The following ORC3 variants were observed in gnomAD, a reference collection of about 807,000 sequenced individuals.
The protein encoded by ORC3 is origin recognition complex subunit 3, also known as homolog of latheo, Drosophila.
In ORC3, 78 loss-of-function variants were observed where a neutral mutation model predicts 100.7. The ratio of observed to expected loss-of-function variants is 0.77; its 90% confidence interval spans 0.65 to 0.94. The LOEUF (loss-of-function observed/expected upper bound fraction) is 0.94, where lower values mean the gene tolerates loss of function less well. Ranked by LOEUF, ORC3 falls within the 40% of genes least tolerant of loss-of-function variation. The probability of loss-of-function intolerance (pLI) is 0.00; values close to 1 mark genes in which losing one functional copy is unlikely to be tolerated. For synonymous variants in ORC3, 295 were observed against 289.3 expected (o/e 1.02, Z -0.20); for missense variants, 789 against 823.9 (o/e 0.96, Z 0.52).
intron 9 of ORC3, among the ~76,000 whole-genome samples, chr6:87,617,776 T>A (rs1303360420): frequency 6.6e-6 from 1 of 152,112 alleles, no homozygotes; most frequent in East Asian, 1.9e-4. Context: ...AACCTATATA[T>A]GTATTAGTAA....
chr6:87,666,422 A>G (rs977435262), intron 19 of ORC3, among the ~76,000 whole-genome samples: 10 of 124,654 alleles, frequency 8.0e-5, no homozygotes, highest in Non-Finnish European at 1.1e-4. Context: ...GAGCCACCTC[A>G]CCCGGCCTAA....
chr6:87,607,592 ACT>A lies in ORC3; in HGVS notation c.428-79_428-78del, dbSNP rs1778435546. On this transcript the variant is annotated intron_variant, in intron 5 of 19. Coordinates refer to ENST00000392844, the MANE Select transcript of ORC3 (RefSeq NM_012381.4). ...ATTCTACCAAAAAAAAAAGTAATAC[ACT>A]CAGCAAGAAGTTTCAAGAGCTTTGG... 3.5e-6 allele frequency: 4 copies of A among 1,140,032 alleles called. No individual in the cohort carries two copies. The African/African-American group carries it at 6.2e-5, about 18-fold the overall frequency. The allele number at this position is 1,140,032 out of a possible 1,614,324, so 70.6% of individuals were successfully genotyped here.
chr6:87,674,624 T>TTATATACA, the ORC3 span, among the ~76,000 whole-genome samples: 1 of 143,474 alleles, frequency 7.0e-6, no homozygotes, highest in African/African-American at 2.7e-5. Flanking sequence ...AAGAAGGAAT[T>TTATATACA]TATATATATA....
chr6:87,640,524 G>A (rs1768165897), intron 13 of ORC3, among the ~76,000 whole-genome samples: 1 of 152,126 alleles, frequency 6.6e-6, no homozygotes, highest in South Asian at 2.1e-4. Context: ...ATATGAGTAG[G>A]TTAATTTTTC....
At chr6:87,677,755 C>A in the ORC3 span, 2 of 1,534,452 alleles carry the variant, frequency 1.3e-6, no homozygotes, top group Non-Finnish European at 1.8e-6. Context: ...AATTAAAGTA[C>A]ACGTGGAAAA....
chr6:87,652,153 C>T (rs1417423067), intron 13 of ORC3, among the ~76,000 whole-genome samples: 1 of 152,132 alleles, frequency 6.6e-6, no homozygotes, highest in African/African-American at 2.4e-5. Flanking sequence ...CCGCCTCGGC[C>T]TCCCAAAGTG....
At chr6:87,602,729 T>G (rs573188828) in intron 3 of ORC3, among the ~76,000 whole-genome samples, 33 of 151,598 alleles carry the variant, frequency 2.2e-4, no homozygotes, top group Admixed American at 3.3e-4. Context: ...ATTGGCCAAA[T>G]TAGAAAAGAC....
At chr6:87,590,551 C>A (rs1388320862) in intron 1 of ORC3, among the ~76,000 whole-genome samples, 4 of 152,134 alleles carry the variant, frequency 2.6e-5, no homozygotes, top group Non-Finnish European at 5.9e-5. Context: ...TTTCTGCAGT[C>A]AAGAAAGTCG....
intron 13 of ORC3, among the ~76,000 whole-genome samples, chr6:87,648,596 A>T (rs367930152): frequency 6.6e-6 from 1 of 152,152 alleles, no homozygotes. Flanking sequence ...CAGCTATTGG[A>T]TTCTGGACAA....
intron 4 of ORC3, among the ~76,000 whole-genome samples, chr6:87,604,669 C>T (rs1464765847): frequency 1.3e-5 from 2 of 152,102 alleles, no homozygotes; most frequent in Admixed American, 1.3e-4. Context: ...TAATAAATAG[C>T]TTATAGCCAG....
chr6:87,653,184 A>T lies in ORC3; in HGVS notation c.1451A>T (p.Glu484Val). The T allele has an allele frequency of 6.2e-7, 1 of 1,613,958 alleles. No homozygotes were observed. Among genetic ancestry groups the T allele is most frequent in the Non-Finnish European group, 8.5e-7 (1 of 1,179,850 alleles). The change falls in exon 14 of 20, where the codon GAA becomes GTA. Residue 484 changes from glutamate to valine, a missense_variant. Around this residue, in one of 3 missense-constraint regions of ORC3, gnomAD observed 366 missense variants for 394.2 expected, o/e 0.93. Transcript: ENST00000392844. ...TTCAAGGTTTTTAAGTCTTATTGTGAAAACCACCTTGGCAGCACAGCTAAG... is the reference window on the plus strand; with the variant it reads ...TTCAAGGTTTTTAAGTCTTATTGTGTAAACCACCTTGGCAGCACAGCTAAG... The part of the protein sequence containing the change: ...KCFKVFKSYC[E>V]NHLGSTAKRI...
intron 2 of ORC3, among the ~76,000 whole-genome samples, chr6:87,601,212 A>T (rs749699673): frequency 4.6e-4 from 70 of 152,338 alleles, no homozygotes; most frequent in Admixed American, 6.5e-4. Flanking sequence ...CCACTTAATA[A>T]AAACTGTTAG....
chr6:87,616,366 T>G lies in ORC3; in HGVS notation c.926T>G (p.Val309Gly). 1 of 1,553,682 alleles carries G rather than the reference T, an allele frequency of 6.4e-7. No homozygotes were observed. The highest frequency in any genetic ancestry group is 8.9e-7 in the Non-Finnish European group (1 of 1,125,634). Residue 309 changes from valine to glycine, a missense_variant, in exon 9 of 20, where the codon GTT (valine) becomes GGT (glycine). Around this residue, in one of 3 missense-constraint regions of ORC3, gnomAD observed 399 missense variants for 382.0 expected, o/e 1.04. Coordinates refer to ENST00000392844, the MANE Select transcript of ORC3 (RefSeq NM_012381.4). ...AAAATAAATGAAAAAGTATTACAGG[T>G]TCTGACCAACATCTTTTTGTATCAT... The part of the protein sequence containing the change: ...PFKINEKVLQ[V>G]LTNIFLYHDF...
intron 14 of ORC3, among the ~76,000 whole-genome samples, chr6:87,653,637 G>A (rs1396487247): frequency 6.6e-6 from 1 of 152,130 alleles, no homozygotes; most frequent in Non-Finnish European, 1.5e-5. Flanking sequence ...GATTTCCAAA[G>A]CACTGCATAA....
chr6:87,607,975 G>A, intron 6 of ORC3, 151 bp downstream of exon 6: 1 of 498,638 alleles, frequency 2.0e-6, no homozygotes, highest in Non-Finnish European at 3.4e-6. Context: ...TTTTTCTAAT[G>A]CTACTCGAAT....
intron 2 of ORC3, among the ~76,000 whole-genome samples, chr6:87,600,218 T>C (rs1041057032): frequency 6.6e-6 from 1 of 152,176 alleles, no homozygotes; most frequent in Non-Finnish European, 1.5e-5. Flanking sequence ...GGTAGATTAT[T>C]AGCAGCAGAA....
chr6:87,611,522 C>T (rs957212065), intron 7 of ORC3, among the ~76,000 whole-genome samples: 1 of 152,122 alleles, frequency 6.6e-6, no homozygotes, highest in African/African-American at 2.4e-5. Flanking sequence ...CATGGTGGCT[C>T]ACGCCTGTAA....
intron 2 of ORC3, among the ~76,000 whole-genome samples, chr6:87,600,840 TAAG>T (rs1034870745): frequency 6.6e-6 from 1 of 152,200 alleles, no homozygotes; most frequent in Non-Finnish European, 1.5e-5. Context: ...TATTACATAA[TAAG>T]GGTGAGTGTT....
At chr6:87,675,744 A>G in the ORC3 span, 2 of 1,447,090 alleles carry the variant, frequency 1.4e-6, no homozygotes, top group African/African-American at 2.8e-5. Flanking sequence ...TATTTCCTCC[A>G]TACATTCTCA....
Sources: gnomAD v4.1 joint callset for allele counts (sites outside exome capture counted in the v4.1 genomes callset) on GRCh38, gnomAD v4.1.1 for gene constraint, gnomAD v4.1.1 regional missense constraint, MANE v1.5 for transcripts, NCBI Gene and HGNC (gene_info 2026-07-23, HGNC 2026-07-21) for gene names.